Variants in PRR16 observed in about 807,000 individuals in gnomAD.
PRR16 encodes protein Largen.
PRR16 carries 6 observed loss-of-function variants against 18.2 expected under a neutral mutation model. The observed-to-expected ratio is 0.33, with a 90% confidence interval of 0.18 to 0.65. PRR16 has a LOEUF of 0.65. Among genes scored for constraint, PRR16 ranks in the 30% least tolerant of loss-of-function variants. The pLI is 0.74. For synonymous variants in PRR16, 151 were observed against 147.8 expected, an observed-to-expected ratio of 1.02 and a Z score of -0.16; for missense variants, 412 against 376.6, an observed-to-expected ratio of 1.09 and a Z score of -0.78.
intron 1 of PRR16, among the ~76,000 whole-genome samples, chr5:120,498,154 A>G (rs1392983929): frequency 1.3e-5 from 2 of 150,764 alleles, no homozygotes; most frequent in African/African-American, 4.9e-5. Context: ...AATTTTTAGA[A>G]GTTTATTTTT....
At chr5:120,620,005 A>C (rs1351074080) in intron 1 of PRR16, among the ~76,000 whole-genome samples, 1 of 152,102 alleles carries the variant, frequency 6.6e-6, no homozygotes, top group Non-Finnish European at 1.5e-5. Flanking sequence ...ATGAAATAAG[A>C]ATGTATAGTG....
intron 1 of PRR16, among the ~76,000 whole-genome samples, chr5:120,515,514 A>G (rs1319405532): frequency 6.6e-6 from 1 of 152,246 alleles, no homozygotes; most frequent in African/African-American, 2.4e-5. Flanking sequence ...GATGATGGGA[A>G]CTTTGTAAAA....
At chr5:120,555,380 G>A (rs1752375967) in intron 1 of PRR16, among the ~76,000 whole-genome samples, 1 of 151,928 alleles carries the variant, frequency 6.6e-6, no homozygotes, top group African/African-American at 2.4e-5. Flanking sequence ...TTAAGCAATG[G>A]GAATTTATTT....
At chr5:120,756,368 C>T in the PRR16 span, among the ~76,000 whole-genome samples, 1 of 152,038 alleles carries the variant, frequency 6.6e-6, no homozygotes, top group South Asian at 2.1e-4. Flanking sequence ...TCCTCCAGAC[C>T]TCCAAACTGC....
chr5:120,715,212 G>T, the PRR16 span, among the ~76,000 whole-genome samples: 3 of 151,844 alleles, frequency 2.0e-5, no homozygotes, highest in African/African-American at 7.3e-5. Context: ...TTAGATCTGT[G>T]TTCTATAAAA....
At chr5:120,503,009 G>C (rs1326992615) in intron 1 of PRR16, among the ~76,000 whole-genome samples, 1 of 151,944 alleles carries the variant, frequency 6.6e-6, no homozygotes, top group Non-Finnish European at 1.5e-5. Flanking sequence ...GCAATTCCAT[G>C]TTATGCATTG....
intron 1 of PRR16, among the ~76,000 whole-genome samples, chr5:120,658,810 G>A (rs897478843): frequency 1.3e-5 from 2 of 151,848 alleles, no homozygotes; most frequent in East Asian, 1.9e-4. Context: ...CTTTTTAAAG[G>A]TGAAATCCAG....
intron 1 of PRR16, among the ~76,000 whole-genome samples, chr5:120,593,532 C>G (rs989435816): frequency 6.7e-6 from 1 of 148,984 alleles, no homozygotes; most frequent in African/African-American, 2.5e-5. Context: ...AAAAAAAAAG[C>G]CCAGAACCAG....
intron 1 of PRR16, among the ~76,000 whole-genome samples, chr5:120,539,969 C>T (rs1053684627): frequency 6.6e-6 from 1 of 151,956 alleles, no homozygotes; most frequent in Non-Finnish European, 1.5e-5. Flanking sequence ...AAATTCATGC[C>T]TGGCACTTTT....
chr5:120,494,746 AT>A (rs1311086875), intron 1 of PRR16, among the ~76,000 whole-genome samples: 1 of 151,980 alleles, frequency 6.6e-6, no homozygotes, highest in Non-Finnish European at 1.5e-5. Context: ...TCTGTAATCT[AT>A]TTTGAGTTAA....
chr5:120,774,735 C>CAACTCTA, the PRR16 span, among the ~76,000 whole-genome samples: 1 of 152,130 alleles, frequency 6.6e-6, no homozygotes, highest in Non-Finnish European at 1.5e-5. Context: ...TAAACTTGTT[C>CAACTCTA]AACTCTAAAC....
the PRR16 span, among the ~76,000 whole-genome samples, chr5:120,738,225 A>C: frequency 6.6e-6 from 1 of 152,248 alleles, no homozygotes; most frequent in South Asian, 2.1e-4. Flanking sequence ...TGCTCCTATC[A>C]GTAATACATC....
At chr5:120,621,029 C>T (rs1754672340) in intron 1 of PRR16, among the ~76,000 whole-genome samples, 1 of 152,066 alleles carries the variant, frequency 6.6e-6, no homozygotes, top group Non-Finnish European at 1.5e-5. Context: ...TTGCTTGGAC[C>T]AAAACTCTGG....
chr5:120,610,717 A>C (rs965075723), intron 1 of PRR16, among the ~76,000 whole-genome samples: 16 of 152,196 alleles, frequency 1.1e-4, no homozygotes, highest in African/African-American at 3.4e-4. Context: ...TGGAACTATA[A>C]GTCCAATTAT....
chr5:120,652,269 A>G (rs1755817743), intron 1 of PRR16, among the ~76,000 whole-genome samples: 1 of 152,102 alleles, frequency 6.6e-6, no homozygotes, highest in Admixed American at 6.6e-5. Flanking sequence ...CATGGACATC[A>G]TGAATTGGAC....
intron 1 of PRR16, among the ~76,000 whole-genome samples, chr5:120,535,540 C>G (rs903894797): frequency 5.3e-5 from 8 of 152,164 alleles, no homozygotes; most frequent in African/African-American, 1.7e-4. Flanking sequence ...TGGTTTATGC[C>G]TGCAATCCCA....
intron 1 of PRR16, among the ~76,000 whole-genome samples, chr5:120,638,455 A>G (rs1755314867): frequency 6.6e-6 from 1 of 152,134 alleles, no homozygotes; most frequent in Non-Finnish European, 1.5e-5. Flanking sequence ...AATGGTAGTC[A>G]ATATGATAAT....
At chr5:120,717,668 G>T in the PRR16 span, among the ~76,000 whole-genome samples, 1 of 152,118 alleles carries the variant, frequency 6.6e-6, no homozygotes, top group Non-Finnish European at 1.5e-5. Flanking sequence ...GGCCCAATCT[G>T]AGCATTGTGC....
the PRR16 span, among the ~76,000 whole-genome samples, chr5:120,736,490 C>G: frequency 6.7e-6 from 1 of 148,944 alleles, no homozygotes. Flanking sequence ...GTCTTGAACT[C>G]CTGACCTCAA....
Sources: gnomAD v4.1 joint callset for allele counts (sites outside exome capture counted in the v4.1 genomes callset) on GRCh38, gnomAD v4.1.1 for gene constraint, MANE v1.5 for transcripts, NCBI Gene and HGNC (gene_info 2026-07-23, HGNC 2026-07-21) for gene names.